The following COPS7B variants were observed in gnomAD, a reference collection of about 807,000 sequenced individuals.
COPS7B encodes COP9 signalosome subunit 7B, also known as COP9 signalosome complex subunit 7b.
A neutral mutation model predicts 33.4 loss-of-function variants in COPS7B; 9 were observed. The ratio of observed to expected loss-of-function variants is 0.27; its 90% CI spans 0.16 to 0.47. The LOEUF is 0.47. Ranked by LOEUF, COPS7B falls within the 20% of genes least tolerant of loss-of-function variation. COPS7B has a pLI of 0.99. For synonymous variants in COPS7B, 119 were observed against 126.3 expected (o/e 0.94, Z 0.39); for missense variants, 242 against 318.2 (o/e 0.76, Z 1.82).
rs1057427434 is a variant in COPS7B, at chr2:231,808,306, A to C, written c.*661A>C. 1 of 402,450 alleles carries C rather than the reference A, an allele frequency of 2.5e-6. No homozygotes were observed. Among genetic ancestry groups the C allele is most frequent in the Non-Finnish European group, 5.1e-6 (1 of 195,754 alleles). The allele number at this position is 402,450 out of a possible 1,614,324, so 24.9% of individuals were successfully genotyped here. A position where few individuals can be genotyped will look rare whatever the true frequency, so the allele number is the denominator to read the frequency against. On this transcript the variant is annotated 3_prime_UTR_variant, in exon 7 of 7. Transcript: ENST00000350033. ...ACTAACCTCTGGTATCTGAGCACAG[A>C]CAGAGGGTGCTGTGGGTCTGCTGGG...
At chr2:231,796,486 G>A (rs1446924311) in intron 5 of COPS7B, among the ~76,000 whole-genome samples, 178 bp downstream of exon 5, 2 of 152,200 alleles carry the variant, frequency 1.3e-5, no homozygotes, top group Admixed American at 1.3e-4. Flanking sequence ...GATAACAGGA[G>A]TCATTTCAGG....
chr2:231,800,041 C>T (rs1414741985), intron 6 of COPS7B, among the ~76,000 whole-genome samples: 2 of 152,108 alleles, frequency 1.3e-5, no homozygotes, highest in African/African-American at 4.8e-5. Flanking sequence ...TTTTCATGAA[C>T]TTGAGCTAAT....
At chr2:231,792,858 G>A (rs2049457606) in intron 3 of COPS7B, among the ~76,000 whole-genome samples, 1 of 152,186 alleles carries the variant, frequency 6.6e-6, no homozygotes, top group African/African-American at 2.4e-5. Context: ...CTGATACTCA[G>A]GGCCTTCGCT....
chr2:231,786,906 C>T (rs1237178440), intron 1 of COPS7B, among the ~76,000 whole-genome samples: 1 of 152,236 alleles, frequency 6.6e-6, no homozygotes, highest in Non-Finnish European at 1.5e-5. Flanking sequence ...CGACTGTCTC[C>T]GTCTCTTTAC....
intron 6 of COPS7B, among the ~76,000 whole-genome samples, chr2:231,803,754 G>C (rs953220955): frequency 6.6e-6 from 1 of 152,228 alleles, no homozygotes; most frequent in African/African-American, 2.4e-5. Flanking sequence ...GACTGCAGAA[G>C]GATGATGCGC....
intron 6 of COPS7B, among the ~76,000 whole-genome samples, chr2:231,801,851 T>C (rs1012884602): frequency 1.5e-4 from 23 of 152,140 alleles, no homozygotes; most frequent in African/African-American, 5.6e-4. Context: ...GGCTCACTAC[T>C]GCAACCTCCG....
At chr2:231,789,574 C>T (rs558836071) in intron 2 of COPS7B, 2 of 152,080 alleles carry the variant, frequency 1.3e-5, no homozygotes, top group South Asian at 2.1e-4. Context: ...ATGCATAGAT[C>T]TGGGTGATGG....
At chr2:231,790,690 T>C (rs570835958) in intron 2 of COPS7B, 1 of 152,200 alleles carries the variant, frequency 6.6e-6, no homozygotes, top group Non-Finnish European at 1.5e-5. Context: ...TAGAGTTTAC[T>C]GGGCTTGGTA....
chr2:231,798,783 G>C (rs1288029612), intron 5 of COPS7B, 76 bp from the exon 6 acceptor site: 16 of 1,199,612 alleles, frequency 1.3e-5, no homozygotes, highest in Non-Finnish European at 2.0e-5. Context: ...GAGAGCTGTT[G>C]GGGAAGAATA....
rs751046114 is a variant in COPS7B, at chr2:231,796,103, C to T, written c.328-3C>T. ...TATAATGATCACATGGCCTTATCTA[C>T]AGTGTATCCCCTACTCCGTGTTGCT... On this transcript the variant is annotated splice_region_variant and splice_polypyrimidine_tract_variant and intron_variant, in intron 4 of 6. Transcript: ENST00000350033. 1.9e-6 allele frequency: 3 copies of T among 1,612,754 alleles called. No homozygotes were observed. The South Asian group carries it at 3.3e-5, about 18-fold the overall frequency.
upstream of COPS7B, chr2:231,785,928 G>A (rs534747406): frequency 4.6e-5 from 7 of 152,198 alleles, no homozygotes; most frequent in Non-Finnish European, 8.8e-5. Context: ...GCCTCAGATA[G>A]CCTGGGTTTG....
rs755182909 is a variant in COPS7B at position 231,794,358 on chromosome 2, T to A, written c.327+7T>A. 1.9e-6 allele frequency: 3 copies of A among 1,610,774 alleles called. No individual in the cohort carries two copies. Among genetic ancestry groups the A allele is most frequent in the Non-Finnish European group, 2.5e-6 (3 of 1,177,364 alleles). On this transcript the variant is annotated splice_region_variant and intron_variant, in intron 4 of 6. Coordinates refer to ENST00000350033, the MANE Select transcript of COPS7B (RefSeq NM_022730.4). ...CTTGGCATCAAGAATGAAGGTACGG[T>A]ACTGAGCCTTCTCTTGTCTTCCTCC...
chr2:231,797,764 A>G (rs1037024461), intron 5 of COPS7B, among the ~76,000 whole-genome samples: 1 of 152,216 alleles, frequency 6.6e-6, no homozygotes, highest in Non-Finnish European at 1.5e-5. Context: ...TAGTCTTTCA[A>G]CTTTTTCATT....
chr2:231,786,540 T>C lies in COPS7B; in HGVS notation c.-17+2T>C. On this transcript the variant is annotated splice_donor_variant, in intron 1 of 6. Coordinates refer to ENST00000350033, the MANE Select transcript of COPS7B (RefSeq NM_022730.4). LOFTEE classifies it low-confidence loss of function (5UTR_SPLICE). ...AGGACCGAGAGGTGGCGTGGACAGGTAGGAGCTAGCGAGAGGGTGGGCCGA... is the reference window on the plus strand; with the variant it reads ...AGGACCGAGAGGTGGCGTGGACAGGCAGGAGCTAGCGAGAGGGTGGGCCGA... 1.0e-6 allele frequency: 1 copy of C among 984,348 alleles called. No homozygotes were observed. Among genetic ancestry groups the C allele is most frequent in the African/African-American group, 1.7e-5 (1 of 57,228 alleles). The allele number at this position is 984,348 out of a possible 1,614,324, so 61.0% of individuals were successfully genotyped here. A position where few individuals can be genotyped will look rare whatever the true frequency, so the allele number is the denominator to read the frequency against.
upstream of COPS7B, chr2:231,781,752 C>T (rs542034778): frequency 3.9e-5 from 53 of 1,347,012 alleles, no homozygotes; most frequent in Middle Eastern, 9.0e-4. Context: ...CAAACCCGCC[C>T]GCTGAGTTGG....
intron 6 of COPS7B, among the ~76,000 whole-genome samples, chr2:231,806,185 CT>C (rs1559378958): frequency 6.6e-6 from 1 of 152,106 alleles, no homozygotes; most frequent in Non-Finnish European, 1.5e-5. Context: ...TGCATTTGGA[CT>C]GTCTCTTACC....
chr2:231,798,355 C>G (rs1283447139), intron 5 of COPS7B, among the ~76,000 whole-genome samples: 2 of 148,396 alleles, frequency 1.3e-5, no homozygotes, highest in Admixed American at 6.8e-5. Flanking sequence ...CTCCCGGGTT[C>G]AAGTGATTCT....
chr2:231,787,506 AT>A (rs2049285116), intron 1 of COPS7B, among the ~76,000 whole-genome samples: 1 of 151,900 alleles, frequency 6.6e-6, no homozygotes, highest in African/African-American at 2.4e-5. Flanking sequence ...CCTGTACTTA[AT>A]GTCTTCGGAG....
chr2:231,794,389 C>T, intron 4 of COPS7B, 38 bp downstream of exon 4: 3 of 1,533,900 alleles, frequency 2.0e-6, no homozygotes, highest in South Asian at 1.1e-5. Context: ...CCTCCTTACC[C>T]CAAGTCAGCT....
Sources: allele counts gnomAD v4.1 joint callset (sites outside exome capture counted in the v4.1 genomes callset), GRCh38; gene constraint gnomAD v4.1.1; transcripts MANE v1.5; gene names NCBI Gene and HGNC (gene_info 2026-07-23, HGNC 2026-07-21).